Variants in USP36 observed in about 807,000 individuals in gnomAD.
USP36 encodes the protein ubiquitin carboxyl-terminal hydrolase 36.
In USP36, 59 loss-of-function variants were observed where a neutral mutation model predicts 111.5. The ratio of observed to expected loss-of-function variants is 0.53; its 90% CI spans 0.43 to 0.66. The LOEUF (loss-of-function observed/expected upper bound fraction) is 0.66, where lower values mean the gene tolerates loss of function less well. Among genes scored for constraint, USP36 ranks in the 30% least tolerant of loss-of-function variants. The pLI, the probability that USP36 is intolerant of heterozygous loss-of-function variation, is 0.00. For synonymous variants in USP36, 628 were observed against 581.0 expected (o/e 1.08, Z -1.16); for missense variants, 1,488 against 1,468.0 (o/e 1.01, Z -0.22).
chr17:78,802,363 C>G lies in USP36; in HGVS notation c.2983G>C (p.Ala995Pro). ...DAVVPESSSCAPSANGWCPGD... is the reference protein window; with the variant it reads ...DAVVPESSSCPPSANGWCPGD... ...GGACACCAGCCATTCGCGGATGGTG[C>G]GCAGCTGCTGGACTCGGGGACAACA... Residue 995 changes from alanine to proline, a missense_variant, in exon 17 of 21, where the codon GCA becomes CCA. Around this residue, in one of 3 missense-constraint regions of USP36, gnomAD observed 1,073 missense variants for 994.1 expected, o/e 1.08. Coordinates refer to ENST00000449938, the MANE Select transcript of USP36 (RefSeq NM_001385174.1). The G allele has an allele frequency of 6.2e-7, 1 of 1,601,072 alleles. No homozygotes were observed. Among genetic ancestry groups the G allele is most frequent in the Non-Finnish European group, 8.5e-7 (1 of 1,174,072 alleles).
Position 78,803,725 on chromosome 17 carries a change from C to T in USP36, c.2470G>A (p.Gly824Ser). 2 of 1,612,128 alleles carry T rather than the reference C, an allele frequency of 1.2e-6. No homozygotes were observed. The highest frequency in any genetic ancestry group is 8.5e-7 in the Non-Finnish European group (1 of 1,179,924). ...TGCTGTGGGAGGCGCGTCTCTGAGCCCAGCCTCTGCGGCTCTCCCACAAAG... is the reference window on the plus strand; with the variant it reads ...TGCTGTGGGAGGCGCGTCTCTGAGCTCAGCCTCTGCGGCTCTCCCACAAAG... ...KTFVGEPQRLGSETRLPQHIR... is the reference protein window; with the variant it reads ...KTFVGEPQRLSSETRLPQHIR... Residue 824 changes from glycine to serine, a missense_variant, in exon 16 of 21, where the codon GGC becomes AGC. This residue lies in a region of USP36 where 1,073 missense variants were observed against 994.1 expected (regional missense o/e 1.08). Transcript: ENST00000449938. This position sits in a 1 kb window ranked among gnomAD's most constrained non-coding sequence, Gnocchi z 4.6.
chr17:78,809,147 T>G (rs1461275146), intron 13 of USP36, among the ~76,000 whole-genome samples: 1 of 152,250 alleles, frequency 6.6e-6, no homozygotes, highest in African/African-American at 2.4e-5. Flanking sequence ...GTTAACCTTT[T>G]GTTGACAATA....
At chr17:78,800,629 C>G (rs2093717646) in intron 17 of USP36, among the ~76,000 whole-genome samples, 1 of 152,238 alleles carries the variant, frequency 6.6e-6, no homozygotes, top group Non-Finnish European at 1.5e-5. Flanking sequence ...AGCCCAGGGA[C>G]CCGGCCATGC....
Position 78,802,376 on chromosome 17 carries a change from C to T in USP36, c.2970G>A (p.Glu990=). 6.2e-7 allele frequency: 1 copy of T among 1,606,670 alleles called. No homozygotes were observed. The highest frequency in any genetic ancestry group is 8.5e-7 in the Non-Finnish European group (1 of 1,176,826). The part of the protein sequence containing the change: ...SAKPQDAVVP[E]SSSCAPSANG... The stretch of plus-strand genomic sequence containing the variant: ...TCGCGGATGGTGCGCAGCTGCTGGA[C>T]TCGGGGACAACAGCATCTTGGGGCT... The change falls in exon 17 of 21, where the codon GAG becomes GAA. Residue 990 remains glutamate (E), a synonymous_variant. Coordinates refer to ENST00000449938, the MANE Select transcript of USP36 (RefSeq NM_001385174.1).
intron 18 of USP36, 63 bp downstream of exon 18, chr17:78,799,604 C>A: frequency 5.4e-6 from 8 of 1,490,098 alleles, no homozygotes; most frequent in Non-Finnish European, 7.5e-6. Flanking sequence ...CCATTCCACA[C>A]CCTTCCCTCC....
Position 78,831,255 on chromosome 17 carries a change from G to GAAA in USP36, c.476-2249_476-2248insTTT, listed in dbSNP as rs2068076745. Among the ~76,000 whole-genome samples, 6 of 19,916 alleles carry GAAA rather than the reference G, an allele frequency of 3.0e-4. 1 individual carries two copies. Among genetic ancestry groups the GAAA allele is most frequent in the African/African-American group, 6.7e-4 (3 of 4,450 alleles). 13.1% of individuals were successfully genotyped at this position (19,916 alleles called of 152,430 possible). ...AAAAAAAAAAAAAAAAAAAAAAAAG[G>GAAA]GACAACATAAATATTGAAGAGCTCT... is the stretch of plus-strand genomic sequence containing the variant. On this transcript the variant is annotated intron_variant, in intron 4 of 20. Coordinates refer to ENST00000449938, the MANE Select transcript of USP36 (RefSeq NM_001385174.1).
At position 78,812,839 on chromosome 17, in the gene USP36, C is replaced by T. The variant is rs768036842; in HGVS notation, c.1407+21G>A. The T allele has an allele frequency of 1.8e-5, 29 of 1,611,844 alleles. No homozygotes were observed. In the Admixed American group the frequency reaches 3.8e-4, roughly 21 times the overall value. On this transcript the variant is annotated intron_variant, in intron 13 of 20. Coordinates refer to ENST00000449938, the MANE Select transcript of USP36 (RefSeq NM_001385174.1). ...GAGCACCAAGACCAGCCACTTTGGCCTCCATCATTCTCACAAATACCTTTC... is the reference window on the plus strand; with the variant it reads ...GAGCACCAAGACCAGCCACTTTGGCTTCCATCATTCTCACAAATACCTTTC...
intron 15 of USP36, among the ~76,000 whole-genome samples, chr17:78,804,689 AAT>A (rs1491214307): frequency 1.3e-5 from 2 of 149,266 alleles, no homozygotes; most frequent in South Asian, 2.2e-4. Context: ...TCAAAAAAAA[AAT>A]TTTTTTTTTT....
At chr17:78,804,364 G>C (rs2093834787) in intron 15 of USP36, among the ~76,000 whole-genome samples, 1 of 151,648 alleles carries the variant, frequency 6.6e-6, no homozygotes, top group Non-Finnish European at 1.5e-5. Flanking sequence ...AGGAGACTGA[G>C]GCAGGAGAAT....
chr17:78,794,552 G>A (rs1322223576), downstream of USP36, among the ~76,000 whole-genome samples: 1 of 152,188 alleles, frequency 6.6e-6, no homozygotes, highest in Non-Finnish European at 1.5e-5. Flanking sequence ...TCTGCCCGCC[G>A]CCTGCGAGAC....
At chr17:78,826,646 G>C (rs927434406) in intron 6 of USP36, 1 of 164,832 alleles carries the variant, frequency 6.1e-6, no homozygotes, top group African/African-American at 2.4e-5. Context: ...TTTCCTGCCT[G>C]TTTTCTTTGG....
At chr17:78,808,516 G>A (rs1407622138) in intron 13 of USP36, among the ~76,000 whole-genome samples, 1 of 152,202 alleles carries the variant, frequency 6.6e-6, no homozygotes, top group Non-Finnish European at 1.5e-5. Flanking sequence ...CTCTCAAAGT[G>A]CTGGGATTAC....
At chr17:78,831,767 C>G (rs1205552790) in intron 4 of USP36, among the ~76,000 whole-genome samples, 1 of 151,738 alleles carries the variant, frequency 6.6e-6, no homozygotes, top group Non-Finnish European at 1.5e-5. Context: ...CACTGCCTAA[C>G]CAAATCTCTA....
intron 6 of USP36, among the ~76,000 whole-genome samples, chr17:78,824,129 G>C (rs2067316811): frequency 6.6e-6 from 1 of 152,230 alleles, no homozygotes; most frequent in Non-Finnish European, 1.5e-5. Flanking sequence ...GAACTTATGA[G>C]AGGCCGGGCT....
rs61729065 is a variant in USP36 at position 78,821,039 on chromosome 17, G to A, written c.780C>T (p.Ser260=). The A allele has an allele frequency of 1.0e-3, 1,638 of 1,606,084 alleles. 6 individuals are homozygous for A. The African/African-American group carries it at 0.017, about 17-fold the overall frequency. ...RSRVKCSVCK[S]VSDTYDPYLD... ...AGTAGGGGTCGTAGGTGTCCGAGAC[G>A]CTCTTGCACACGGAGCACTTCACTG... The change falls in exon 8 of 21, where the codon AGC becomes AGT. Residue 260 remains serine (S), a synonymous_variant. Coordinates refer to ENST00000449938, the MANE Select transcript of USP36 (RefSeq NM_001385174.1).
At position 78,836,144 on chromosome 17, in the gene USP36, T is replaced by C. The variant is rs2068645189; in HGVS notation, c.220A>G (p.Lys74Glu). The C allele has an allele frequency of 6.2e-7, 1 of 1,613,902 alleles. No homozygotes were observed. The highest frequency in any genetic ancestry group is 8.5e-7 in the Non-Finnish European group (1 of 1,180,034). ...CTGGCCGGTGGGTCATCTCCACTCT[T>C]GTGGCGACTAGCTCCCTCTGTTTTG... ...NPKTEGASRH[K>E]SGDDPPARRQ... Residue 74 changes from lysine to glutamate, a missense_variant, in exon 3 of 21, where the codon AAG becomes GAG. Coordinates refer to ENST00000449938, the MANE Select transcript of USP36 (RefSeq NM_001385174.1).
At chr17:78,815,834 TAC>T (rs1391124922) in intron 10 of USP36, among the ~76,000 whole-genome samples, 3 of 134,646 alleles carry the variant, frequency 2.2e-5, no homozygotes, top group African/African-American at 1.2e-4. Context: ...CACACATATA[TAC>T]ATACACACAC....
At chr17:78,812,730 A>G in intron 13 of USP36, 130 bp downstream of exon 13, 1 of 835,076 alleles carries the variant, frequency 1.2e-6, no homozygotes, top group East Asian at 2.9e-5. Context: ...AAAAGAAAAG[A>G]AATAACATCA....
intron 10 of USP36, among the ~76,000 whole-genome samples, chr17:78,814,994 G>A (rs1445047489): frequency 6.6e-6 from 1 of 151,752 alleles, no homozygotes; most frequent in Non-Finnish European, 1.5e-5. Context: ...GGGGCGAATG[G>A]GTGTGCAGCA....
Sources: gnomAD v4.1 joint callset for allele counts (sites outside exome capture counted in the v4.1 genomes callset) on GRCh38, gnomAD v4.1.1 for gene constraint, gnomAD v4.1.1 regional missense constraint, Gnocchi (gnomAD v3.1) non-coding constraint, MANE v1.5 for transcripts, NCBI Gene and HGNC (gene_info 2026-07-23, HGNC 2026-07-21) for gene names.